Variants in THSD4 observed in about 807,000 individuals in gnomAD.
THSD4 encodes the protein thrombospondin type-1 domain-containing protein 4.
In THSD4, 69 loss-of-function variants were observed where a neutral mutation model predicts 119.0. The ratio of observed to expected loss-of-function variants is 0.58; its 90% CI spans 0.48 to 0.71. THSD4 has a LOEUF of 0.71. THSD4 is among the 30% of genes least tolerant of loss of function. The probability of loss-of-function intolerance (pLI) is 0.00; values close to 1 mark genes in which losing one functional copy is unlikely to be tolerated. For missense variants in THSD4, 1,393 were observed against 1,391.1 expected, an observed-to-expected ratio of 1.00 and a Z score of -0.02; for synonymous variants, 524 against 540.4, an observed-to-expected ratio of 0.97 and a Z score of 0.42.
At chr15:71,463,837 G>T (rs1407640628) in intron 7 of THSD4, among the ~76,000 whole-genome samples, 1 of 152,136 alleles carries the variant, frequency 6.6e-6, no homozygotes, top group Non-Finnish European at 1.5e-5. Flanking sequence ...AGCCTCATTT[G>T]TCTACTCTGT....
At chr15:71,649,105 C>T (rs977457337) in intron 7 of THSD4, among the ~76,000 whole-genome samples, 1 of 152,138 alleles carries the variant, frequency 6.6e-6, no homozygotes, top group Non-Finnish European at 1.5e-5. Context: ...AAGTGCACTT[C>T]AGATTCAAAG....
chr15:71,460,800 T>C (rs2047419197), intron 7 of THSD4, among the ~76,000 whole-genome samples: 1 of 152,176 alleles, frequency 6.6e-6, no homozygotes, highest in South Asian at 2.1e-4. Flanking sequence ...AATCATTCAT[T>C]GCAGTCCTGG....
chr15:71,536,329 C>T (rs2048688678), intron 7 of THSD4, among the ~76,000 whole-genome samples: 1 of 152,212 alleles, frequency 6.6e-6, no homozygotes, highest in Non-Finnish European at 1.5e-5. Context: ...CCTGCAATGG[C>T]AGGTTGAGTT....
At chr15:71,556,944 T>C (rs975951284) in intron 7 of THSD4, among the ~76,000 whole-genome samples, 12 of 152,194 alleles carry the variant, frequency 7.9e-5, no homozygotes, top group African/African-American at 2.9e-4. Flanking sequence ...ATTTCTTTTT[T>C]AATGGCCATT....
chr15:71,488,523 A>AAATGAAACCAGCTAG (rs71154775), intron 7 of THSD4, among the ~76,000 whole-genome samples: 2 of 152,074 alleles, frequency 1.3e-5, no homozygotes, highest in African/African-American at 2.4e-5. Flanking sequence ...TGGAAATCTT[A>AAATGAAACCAGCTAG]ATCTCATACT....
chr15:71,673,572 T>G (rs529058598), intron 8 of THSD4, among the ~76,000 whole-genome samples: 1 of 152,220 alleles, frequency 6.6e-6, no homozygotes, highest in East Asian at 1.9e-4. Context: ...GTTCTTTTAA[T>G]TGTGATGTTA....
At chr15:71,122,987 C>G (rs548354628) in intron 1 of THSD4, among the ~76,000 whole-genome samples, 38 of 152,362 alleles carry the variant, frequency 2.5e-4, no homozygotes, top group Admixed American at 5.9e-4. Context: ...AAGGGGGACC[C>G]AGAAACAGAA....
intron 7 of THSD4, among the ~76,000 whole-genome samples, chr15:71,460,973 T>C (rs539322578): frequency 6.6e-6 from 1 of 152,244 alleles, no homozygotes; most frequent in Non-Finnish European, 1.5e-5. Context: ...TATTGCTGCA[T>C]AACAAATTAT....
At chr15:71,301,244 T>TA (rs2044945488) in intron 6 of THSD4, among the ~76,000 whole-genome samples, 2 of 152,362 alleles carry the variant, frequency 1.3e-5, no homozygotes, top group African/African-American at 4.8e-5. Flanking sequence ...TTTAATTTTT[T>TA]AACAAAACCT....
chr15:71,502,339 A>G (rs188117293), intron 7 of THSD4, among the ~76,000 whole-genome samples: 1 of 152,336 alleles, frequency 6.6e-6, no homozygotes, highest in Non-Finnish European at 1.5e-5. Flanking sequence ...TAGGAGTGCT[A>G]AAGTTAATCA....
intron 5 of THSD4, among the ~76,000 whole-genome samples, chr15:71,249,159 CAT>C (rs1304059011): frequency 1.3e-5 from 2 of 151,878 alleles, no homozygotes; most frequent in Non-Finnish European, 2.9e-5. Flanking sequence ...GAATCACACA[CAT>C]ATGTATATAT....
At chr15:71,468,799 C>A (rs1449365221) in intron 7 of THSD4, among the ~76,000 whole-genome samples, 1 of 152,222 alleles carries the variant, frequency 6.6e-6, no homozygotes, top group Non-Finnish European at 1.5e-5. Flanking sequence ...GTGACTGCTG[C>A]AGCTCCAGCC....
chr15:71,389,397 C>T (rs76298483), intron 6 of THSD4, among the ~76,000 whole-genome samples: 5,438 of 151,862 alleles, frequency 0.036, 315 homozygotes, highest in African/African-American at 0.13. Flanking sequence ...CATTGTGTGA[C>T]TGGCTTATTT....
intron 17 of THSD4, among the ~76,000 whole-genome samples, chr15:71,775,560 A>T (rs1168662486): frequency 6.6e-6 from 1 of 151,912 alleles, no homozygotes; most frequent in Non-Finnish European, 1.5e-5. Context: ...ATACGAAAAA[A>T]ATTAGCCAAG....
intron 8 of THSD4, among the ~76,000 whole-genome samples, chr15:71,708,909 G>A (rs929970931): frequency 6.6e-6 from 1 of 152,230 alleles, no homozygotes; most frequent in African/African-American, 2.4e-5. Flanking sequence ...GCACACAGCT[G>A]TGCACAGAGC....
chr15:71,630,731 C>T (rs569002554), intron 7 of THSD4, among the ~76,000 whole-genome samples: 1 of 152,302 alleles, frequency 6.6e-6, no homozygotes, highest in East Asian at 1.9e-4. Context: ...TGGGGATCCC[C>T]TCAGAGACAC....
At chr15:71,266,103 C>T (rs1029802695) in intron 6 of THSD4, among the ~76,000 whole-genome samples, 2 of 152,248 alleles carry the variant, frequency 1.3e-5, no homozygotes, top group African/African-American at 4.8e-5. Flanking sequence ...AGCGCTCAAG[C>T]TCTGGTAAGG....
chr15:71,291,928 T>C (rs1425726783), intron 6 of THSD4, among the ~76,000 whole-genome samples: 1 of 152,150 alleles, frequency 6.6e-6, no homozygotes, highest in African/African-American at 2.4e-5. Context: ...TCCTCTATTG[T>C]GGTGGCCCCT....
intron 6 of THSD4, among the ~76,000 whole-genome samples, chr15:71,381,412 G>T (rs2046226679): frequency 6.6e-6 from 1 of 152,234 alleles, no homozygotes; most frequent in South Asian, 2.1e-4. Context: ...GCATTTCCTT[G>T]GTGTTAATAT....
Sources: gnomAD v4.1 joint callset for allele counts (sites outside exome capture counted in the v4.1 genomes callset) on GRCh38, gnomAD v4.1.1 for gene constraint, MANE v1.5 for transcripts, NCBI Gene and HGNC (gene_info 2026-07-23, HGNC 2026-07-21) for gene names.